CDH13: variants seen among roughly 807,000 people sequenced by gnomAD.
The protein encoded by CDH13 is cadherin-13.
A neutral mutation model predicts 63.8 loss-of-function variants in CDH13; 24 were observed. The observed-to-expected ratio is 0.38, with a 90% confidence interval of 0.27 to 0.53. The LOEUF (loss-of-function observed/expected upper bound fraction) is 0.53, where lower values mean the gene tolerates loss of function less well. CDH13 is among the 20% of genes least tolerant of loss of function. CDH13 has a pLI of 0.85. For missense variants in CDH13, 1,049 were observed against 903.1 expected (o/e 1.16, Z -2.07); for synonymous variants, 503 against 355.3 (o/e 1.42, Z -4.67).
intron 4 of CDH13, among the ~76,000 whole-genome samples, chr16:83,128,837 T>C (rs887101810): frequency 1.3e-5 from 2 of 152,228 alleles, no homozygotes; most frequent in Non-Finnish European, 2.9e-5. Flanking sequence ...TAGCCCCTTA[T>C]GTGTTGCCCA....
chr16:82,970,189 T>A (rs1261875155), intron 2 of CDH13, among the ~76,000 whole-genome samples: 4 of 152,138 alleles, frequency 2.6e-5, no homozygotes, highest in Non-Finnish European at 2.9e-5. Flanking sequence ...TTTGGTTTTC[T>A]GTTCTTGTGT....
chr16:82,908,016 C>G (rs1351149182), intron 2 of CDH13, among the ~76,000 whole-genome samples: 1 of 152,044 alleles, frequency 6.6e-6, no homozygotes, highest in Non-Finnish European at 1.5e-5. Context: ...CATGTTCTAC[C>G]TGATTTACAA....
chr16:82,800,303 AT>A (rs1375125954), intron 1 of CDH13, among the ~76,000 whole-genome samples: 1 of 152,086 alleles, frequency 6.6e-6, no homozygotes, highest in Non-Finnish European at 1.5e-5. Context: ...TTAAAATTGT[AT>A]TTTTCTCGTA....
At chr16:83,334,617 C>T (rs1344216794) in intron 5 of CDH13, among the ~76,000 whole-genome samples, 2 of 151,968 alleles carry the variant, frequency 1.3e-5, no homozygotes, top group African/African-American at 4.8e-5. Flanking sequence ...TTCAATCATT[C>T]CTCCCGCCTT....
chr16:83,755,173 C>G (rs1440680609), intron 11 of CDH13, among the ~76,000 whole-genome samples: 1 of 152,020 alleles, frequency 6.6e-6, no homozygotes, highest in Non-Finnish European at 1.5e-5. Flanking sequence ...GATAGATATT[C>G]CAGAACTGAA....
intron 1 of CDH13, among the ~76,000 whole-genome samples, chr16:82,655,079 C>T (rs945893535): frequency 5.9e-5 from 9 of 152,212 alleles, no homozygotes; most frequent in Non-Finnish European, 1.2e-4. Flanking sequence ...GATAATTTCC[C>T]TGCCTTTCCC....
At chr16:83,221,864 T>C (rs951961056) in intron 5 of CDH13, among the ~76,000 whole-genome samples, 4 of 152,176 alleles carry the variant, frequency 2.6e-5, no homozygotes, top group East Asian at 3.9e-4. Context: ...ACTAACTTTA[T>C]TGAGCATCTA....
chr16:83,696,080 G>T (rs1397318648), intron 10 of CDH13, among the ~76,000 whole-genome samples: 1 of 151,796 alleles, frequency 6.6e-6, no homozygotes, highest in African/African-American at 2.4e-5. Flanking sequence ...TTGTAGAGAT[G>T]GGGTTTCGCC....
At chr16:83,600,372 A>T (rs1368484448) in intron 7 of CDH13, among the ~76,000 whole-genome samples, 5 of 152,154 alleles carry the variant, frequency 3.3e-5, no homozygotes, top group Non-Finnish European at 7.3e-5. Context: ...GGCCTTAACA[A>T]ACCACCCAGC....
chr16:83,593,372 A>G (rs889832963), intron 7 of CDH13, among the ~76,000 whole-genome samples: 1 of 152,176 alleles, frequency 6.6e-6, no homozygotes, highest in Non-Finnish European at 1.5e-5. Flanking sequence ...GCTGGAGCCC[A>G]TTCTCACTGG....
At chr16:83,567,708 G>A (rs867310703) in intron 7 of CDH13, among the ~76,000 whole-genome samples, 18 of 152,116 alleles carry the variant, frequency 1.2e-4, no homozygotes, top group African/African-American at 4.3e-4. Context: ...CTATTCTCCT[G>A]TCTCAGCCTC....
chr16:83,124,526 AT>A (rs796542234), intron 3 of CDH13, among the ~76,000 whole-genome samples: 5,091 of 133,656 alleles, frequency 0.038, 95 homozygotes, highest in African/African-American at 0.07. Flanking sequence ...TGAATTGTCC[AT>A]TTTTTTTTTT....
chr16:83,234,756 A>T (rs1198967810), intron 5 of CDH13, among the ~76,000 whole-genome samples: 1 of 152,186 alleles, frequency 6.6e-6, no homozygotes. Context: ...AAAGGTAAAG[A>T]TTGTTTTTGT....
At chr16:83,781,045 G>A (rs1240279431) in intron 12 of CDH13, among the ~76,000 whole-genome samples, 1 of 152,074 alleles carries the variant, frequency 6.6e-6, no homozygotes, top group Non-Finnish European at 1.5e-5. Flanking sequence ...GATGACCTTG[G>A]GTTTTTTTTC....
chr16:83,075,538 A>T (rs2032773831), intron 3 of CDH13, among the ~76,000 whole-genome samples: 1 of 152,196 alleles, frequency 6.6e-6, no homozygotes, highest in Non-Finnish European at 1.5e-5. Flanking sequence ...GTTGCTGAGC[A>T]TTGCATCCAG....
intron 7 of CDH13, among the ~76,000 whole-genome samples, chr16:83,559,298 ATGG>A (rs1349852353): frequency 2.6e-5 from 4 of 152,204 alleles, no homozygotes; most frequent in Admixed American, 6.5e-5. Flanking sequence ...AAGGCCAGAC[ATGG>A]TGGTTCACAC....
chr16:83,714,271 C>T (rs1036857938), intron 10 of CDH13, among the ~76,000 whole-genome samples: 1 of 152,154 alleles, frequency 6.6e-6, no homozygotes, highest in Non-Finnish European at 1.5e-5. Flanking sequence ...GCCCCAAGTG[C>T]TATTAATATC....
At chr16:82,711,791 G>A (rs1032780420) in intron 1 of CDH13, among the ~76,000 whole-genome samples, 3 of 152,314 alleles carry the variant, frequency 2.0e-5, no homozygotes, top group African/African-American at 4.8e-5. Flanking sequence ...AAGGACAACC[G>A]GTGATGCCGA....
At chr16:83,476,150 A>G (rs1196976740) in intron 6 of CDH13, among the ~76,000 whole-genome samples, 2 of 152,116 alleles carry the variant, frequency 1.3e-5, no homozygotes, top group Admixed American at 6.5e-5. Flanking sequence ...TGTTTACTAG[A>G]CTCTTAATAC....
Sources: gnomAD v4.1 joint callset for allele counts (sites outside exome capture counted in the v4.1 genomes callset) on GRCh38, gnomAD v4.1.1 for gene constraint, MANE v1.5 for transcripts, NCBI Gene and HGNC (gene_info 2026-07-23, HGNC 2026-07-21) for gene names.